Variants in YIPF7 observed in about 807,000 individuals in gnomAD.
The protein encoded by YIPF7 is protein YIPF7.
Under a neutral mutation model 27.2 loss-of-function variants are expected in YIPF7, and 35 were observed. That is an observed-to-expected ratio of 1.29 (90% CI 0.98 to 1.70). The LOEUF (loss-of-function observed/expected upper bound fraction) is 1.70. Among genes scored for constraint, YIPF7 ranks in the 40% most tolerant of loss-of-function variants. YIPF7 has a pLI of 0.00. For synonymous variants in YIPF7, 137 were observed against 110.4 expected (o/e 1.24, Z -1.51); for missense variants, 358 against 303.7 (o/e 1.18, Z -1.33).
chr4:44,649,640 A>C (rs1238179461), intron 2 of YIPF7, among the ~76,000 whole-genome samples: 1 of 151,284 alleles, frequency 6.6e-6, no homozygotes, highest in African/African-American at 2.4e-5. Flanking sequence ...ATAGCCAGGC[A>C]TGGTGGCACA....
At chr4:44,642,448 CA>C (rs1269075812) in intron 2 of YIPF7, among the ~76,000 whole-genome samples, 2 of 92,934 alleles carry the variant, frequency 2.2e-5, no homozygotes, top group Non-Finnish European at 5.0e-5. Flanking sequence ...CTTTGTATAC[CA>C]TCACTGTAAT....
rs766641855 is a variant in YIPF7 at position 44,651,624 on chromosome 4, T to C, written c.-72A>G. ...GTGTGAGAAATTTTAAGCAAATCCA[T>C]TGGTGAAAAGATGACATGCTGGCTA... On this transcript the variant is annotated 5_prime_UTR_variant, in exon 1 of 6. An upstream start codon of the reference 5' UTR is lost. Transcript: ENST00000415895. The C allele has an allele frequency of 5.1e-6, 8 of 1,581,784 alleles. No individual in the cohort carries two copies. In the East Asian group the frequency reaches 6.8e-5, roughly 13 times the overall value.
chr4:44,647,570 C>T (rs950629538), intron 2 of YIPF7, among the ~76,000 whole-genome samples: 1 of 152,088 alleles, frequency 6.6e-6, no homozygotes, highest in African/African-American at 2.4e-5. Context: ...ACTCCCTGTG[C>T]CTCAAACATT....
intron 3 of YIPF7, among the ~76,000 whole-genome samples, chr4:44,633,120 T>A (rs563000420): frequency 6.6e-6 from 1 of 152,308 alleles, no homozygotes; most frequent in Admixed American, 6.5e-5. Flanking sequence ...AACTAATGCC[T>A]GATGATCTGA....
chr4:44,630,046 A>T (rs2109580380), intron 3 of YIPF7, among the ~76,000 whole-genome samples: 1 of 152,138 alleles, frequency 6.6e-6, no homozygotes, highest in South Asian at 2.1e-4. Context: ...GCACGATCTC[A>T]GCTCCTCCGC....
At chr4:44,626,924 T>C (rs973693548) in intron 4 of YIPF7, among the ~76,000 whole-genome samples, 5 of 150,910 alleles carry the variant, frequency 3.3e-5, no homozygotes, top group Non-Finnish European at 7.4e-5. Context: ...TACAGGTGCC[T>C]GCCACCACAC....
intron 3 of YIPF7, among the ~76,000 whole-genome samples, chr4:44,631,040 G>T (rs1180665112): frequency 6.6e-6 from 1 of 152,096 alleles, no homozygotes; most frequent in Non-Finnish European, 1.5e-5. Flanking sequence ...ACATACATCG[G>T]TCTTATAAAT....
chr4:44,661,566 G>A lies in YIPF7; in HGVS notation c.-171-948C>T, dbSNP rs142473392. Reference sequence around the variant, plus strand: ...TACACAAAGTTTGCAAGTACTACAGGTTCCATTTGTTGCAATATGCATTTG... The same window carrying A: ...TACACAAAGTTTGCAAGTACTACAGATTCCATTTGTTGCAATATGCATTTG... On this transcript the variant is annotated intron_variant, in intron 1 of 2. Coordinates refer to the YIPF7 transcript ENST00000508947. Among the ~76,000 whole-genome samples, 4 of 109,328 alleles carry A rather than the reference G, an allele frequency of 3.7e-5. No homozygotes were observed. In the East Asian group the frequency reaches 9.0e-4, roughly 25 times the overall value. The allele number at this position is 109,328 out of a possible 152,430, so 71.7% of individuals were successfully genotyped here.
At chr4:44,651,051 C>T (rs934804321) in intron 1 of YIPF7, among the ~76,000 whole-genome samples, 1 of 152,120 alleles carries the variant, frequency 6.6e-6, no homozygotes, top group Admixed American at 6.5e-5. Flanking sequence ...AGGAGTAATC[C>T]ATATGCTTAT....
Position 44,624,635 on chromosome 4 carries a change from T to C in YIPF7, c.574A>G (p.Ile192Val). 1 of 1,599,394 alleles carries C rather than the reference T, an allele frequency of 6.3e-7. No individual in the cohort carries two copies. ...AAGAACATGGCGCAACCAGACAGGATGACCATGGGGAGCAGGCAGTAACCC... is the reference window on the plus strand; with the variant it reads ...AAGAACATGGCGCAACCAGACAGGACGACCATGGGGAGCAGGCAGTAACCC... Reference protein sequence around the residue: ...VLGYCLLPMVILSGCAMFFSL... With the variant: ...VLGYCLLPMVVLSGCAMFFSL... Residue 192 changes from isoleucine to valine, a missense_variant, in exon 5 of 6, where the codon ATC (isoleucine) becomes GTC (valine). Physicochemically the swap from Ile to Val is conservative, Grantham distance 29. Coordinates refer to ENST00000415895, the MANE Select transcript of YIPF7 (RefSeq NM_182592.3).
intron 1 of YIPF7, among the ~76,000 whole-genome samples, chr4:44,651,129 G>A (rs1005460138): frequency 2.0e-5 from 3 of 152,136 alleles, no homozygotes; most frequent in South Asian, 2.1e-4. Flanking sequence ...AACTCTAAAG[G>A]CATCATTAAT....
chr4:44,644,381 G>A (rs1451934027), intron 2 of YIPF7, among the ~76,000 whole-genome samples: 1 of 152,208 alleles, frequency 6.6e-6, no homozygotes, highest in African/African-American at 2.4e-5. Context: ...TTTTAAGAAA[G>A]TTTATGAATT....
intron 2 of YIPF7, among the ~76,000 whole-genome samples, chr4:44,644,057 T>C (rs1713436088): frequency 6.6e-6 from 1 of 152,016 alleles, no homozygotes; most frequent in Non-Finnish European, 1.5e-5. Context: ...CCCAGAATGG[T>C]AGATCCCCCA....
intron 3 of YIPF7, among the ~76,000 whole-genome samples, chr4:44,632,685 T>G (rs1298200550): frequency 6.6e-6 from 1 of 152,226 alleles, no homozygotes; most frequent in East Asian, 1.9e-4. Context: ...TAAATGTTAT[T>G]TAATGCGTTA....
chr4:44,643,387 T>G (rs1713406905), intron 2 of YIPF7, among the ~76,000 whole-genome samples: 1 of 152,200 alleles, frequency 6.6e-6, no homozygotes. Context: ...TTTATATATG[T>G]GAGCAAAGAA....
chr4:44,625,036 T>C (rs1469069081), intron 4 of YIPF7, among the ~76,000 whole-genome samples: 1 of 152,184 alleles, frequency 6.6e-6, no homozygotes, highest in Non-Finnish European at 1.5e-5. Context: ...TTTCTAGACT[T>C]ATATTTTTTA....
intron 2 of YIPF7, among the ~76,000 whole-genome samples, chr4:44,647,542 T>A (rs1419163468): frequency 2.0e-5 from 3 of 152,176 alleles, no homozygotes; most frequent in Non-Finnish European, 4.4e-5. Flanking sequence ...CACCTTTGTA[T>A]ACCTTAGTGC....
intron 3 of YIPF7, among the ~76,000 whole-genome samples, chr4:44,635,084 T>C (rs991938041): frequency 6.6e-6 from 1 of 152,234 alleles, no homozygotes; most frequent in Non-Finnish European, 1.5e-5. Context: ...CTTTACATCT[T>C]GTGATGTAAA....
At chr4:44,635,000 A>G (rs1337845470) in intron 3 of YIPF7, among the ~76,000 whole-genome samples, 1 of 152,212 alleles carries the variant, frequency 6.6e-6, no homozygotes, top group African/African-American at 2.4e-5. Flanking sequence ...GAACAGTTTA[A>G]ATCTTTCATG....
Sources: allele counts gnomAD v4.1 joint callset (sites outside exome capture counted in the v4.1 genomes callset), GRCh38; gene constraint gnomAD v4.1.1; transcripts MANE v1.5; gene names NCBI Gene and HGNC (gene_info 2026-07-23, HGNC 2026-07-21).